TRERF1: variants seen among roughly 807,000 people sequenced by gnomAD.
TRERF1 encodes the protein transcriptional regulating factor 1.
A neutral mutation model predicts 122.9 loss-of-function variants in TRERF1; 27 were observed. The observed-to-expected ratio is 0.22, with a 90% CI of 0.16 to 0.30. The LOEUF is 0.30. Ranked by LOEUF, TRERF1 falls within the 10% of genes least tolerant of loss-of-function variation. The probability of loss-of-function intolerance (pLI) is 1.00; values close to 1 mark genes in which losing one functional copy is unlikely to be tolerated. For synonymous variants in TRERF1, 636 were observed against 641.7 expected, an observed-to-expected ratio of 0.99 and a Z score of 0.13; for missense variants, 1,248 against 1,560.3, an observed-to-expected ratio of 0.80 and a Z score of 3.37.
rs1561853335 is a variant in TRERF1, at chr6:42,262,432, G to GGGAGGGAGGGAGGGAGA, written c.1884+887_1884+888insTCTCCCTCCCTCCCTCC. Among the ~76,000 whole-genome samples the GGGAGGGAGGGAGGGAGA allele has an allele frequency of 5.3e-4, 25 of 47,154 alleles. 2 individuals carry two copies. Among genetic ancestry groups the GGGAGGGAGGGAGGGAGA allele is most frequent in the African/African-American group, 2.1e-3 (23 of 10,774 alleles). 30.9% of individuals were successfully genotyped at this position (47,154 alleles called of 152,430 possible). A position where few individuals can be genotyped will look rare whatever the true frequency, so the allele number is the denominator to read the frequency against. The stretch of plus-strand genomic sequence containing the variant: ...CCACACAGGTCACAAATTCCCTAGG[G>GGGAGGGAGGGAGGGAGA]GCAGAGAGAGAGAGAGAGAGAGAGA... On this transcript the variant is annotated intron_variant, in intron 8 of 17. Transcript: ENST00000372922.
chr6:42,435,635 TA>T (rs1158849152), intron 2 of TRERF1, among the ~76,000 whole-genome samples: 15 of 152,074 alleles, frequency 9.9e-5, no homozygotes, highest in Admixed American at 9.8e-4. Context: ...TTATAATAGT[TA>T]AAAAATGATA....
chr6:42,232,555 G>T lies in TRERF1; in HGVS notation c.3278+126C>A. ...TACATACCCATCCCAAAGATGACAC[G>T]AAGAAGAGTTTTGAGGTCTAAGTTC... On this transcript the variant is annotated intron_variant, in intron 17 of 17. Transcript: ENST00000372922. This position sits in a 1 kb window ranked among gnomAD's most constrained non-coding sequence, Gnocchi z 4.5. 8.0e-7 allele frequency: 1 copy of T among 1,252,802 alleles called. No homozygotes were observed. The highest frequency in any genetic ancestry group is 1.7e-5 in the South Asian group (1 of 60,242). The allele number at this position is 1,252,802 out of a possible 1,614,324, so 77.6% of individuals were successfully genotyped here.
At chr6:42,369,695 A>G (rs1462754541) in intron 2 of TRERF1, among the ~76,000 whole-genome samples, 2 of 152,156 alleles carry the variant, frequency 1.3e-5, no homozygotes, top group Admixed American at 6.5e-5. Context: ...ACCAGTTATC[A>G]TACTATTACC....
chr6:42,288,298 G>A (rs920386920), intron 4 of TRERF1, among the ~76,000 whole-genome samples: 11 of 152,150 alleles, frequency 7.2e-5, no homozygotes, highest in African/African-American at 1.2e-4. Flanking sequence ...GCCGGGCACC[G>A]TGGCTTACTC....
chr6:42,276,762 C>G lies in TRERF1; in HGVS notation c.-258-6914G>C, dbSNP rs2149994396. Among the ~76,000 whole-genome samples, 1 of 152,324 alleles carries G rather than the reference C, an allele frequency of 6.6e-6. No homozygotes were observed. Among genetic ancestry groups the G allele is most frequent in the South Asian group, 2.1e-4 (1 of 4,826 alleles). On this transcript the variant is annotated intron_variant, in intron 4 of 17. Transcript: ENST00000372922. The surrounding 1 kb of genome is among the most constrained non-coding windows in gnomAD (Gnocchi z 4.3). The stretch of plus-strand genomic sequence containing the variant: ...TGCTCTTACTCCTTCACAGCCCTGG[C>G]TTTCCTGCTGACTCTGGGCTGTGGG...
intron 2 of TRERF1, among the ~76,000 whole-genome samples, chr6:42,436,814 A>AAT (rs56057543): frequency 0.014 from 916 of 66,660 alleles, 14 homozygotes; most frequent in South Asian, 0.037. Context: ...AAAAAAAAAA[A>AAT]ATATATATAT....
chr6:42,418,307 T>C (rs547100159), intron 2 of TRERF1, among the ~76,000 whole-genome samples: 85 of 146,080 alleles, frequency 5.8e-4, no homozygotes, highest in Non-Finnish European at 1.1e-3. Context: ...TTCGCTCTTG[T>C]AGCCCCAGCT....
At chr6:42,421,991 A>C (rs1782835335) in intron 2 of TRERF1, among the ~76,000 whole-genome samples, 2 of 150,512 alleles carry the variant, frequency 1.3e-5, no homozygotes, top group Non-Finnish European at 3.0e-5. Context: ...AACATGGTGA[A>C]ACCCTCTCTC....
At chr6:42,412,787 T>TA (rs1781298223) in intron 2 of TRERF1, among the ~76,000 whole-genome samples, 1 of 151,486 alleles carries the variant, frequency 6.6e-6, no homozygotes, top group East Asian at 1.9e-4. Flanking sequence ...ATTAATTAAT[T>TA]TAAAAAAATT....
In TRERF1 at chr6:42,408,371, A is replaced by C. The variant is rs1432400686; in HGVS notation, c.-454+42806T>G. Among the ~76,000 whole-genome samples the C allele has an allele frequency of 4.4e-3, 129 of 29,222 alleles. 6 individuals are homozygous for C. The highest frequency in any genetic ancestry group is 9.0e-3 in the African/African-American group (113 of 12,506). 19.2% of individuals were successfully genotyped at this position (29,222 alleles called of 152,430 possible). A position where few individuals can be genotyped will look rare whatever the true frequency, so the allele number is the denominator to read the frequency against. ...TGTGTGTGTGTATATATATATATAT[A>C]TCTTTTTTTTTTTTTTTTTTTGAGA... On this transcript the variant is annotated intron_variant, in intron 2 of 17. Coordinates refer to ENST00000372922, the Ensembl canonical transcript of TRERF1.
intron 2 of TRERF1, among the ~76,000 whole-genome samples, chr6:42,435,131 C>CA (rs58270665): frequency 0.1 from 14,902 of 143,236 alleles, 925 homozygotes; most frequent in African/African-American, 0.18. Context: ...AACTCTGTCT[C>CA]AAAAAAAAAA....
intron 2 of TRERF1, among the ~76,000 whole-genome samples, chr6:42,375,662 A>C (rs1774708839): frequency 1.3e-5 from 2 of 152,206 alleles, no homozygotes; most frequent in African/African-American, 4.8e-5. Context: ...CTACACACTG[A>C]CTGACTAAAG....
At chr6:42,241,604 G>A (rs1183515798) in intron 15 of TRERF1, among the ~76,000 whole-genome samples, 1 of 152,004 alleles carries the variant, frequency 6.6e-6, no homozygotes, top group East Asian at 1.9e-4. Context: ...TGGGATTACA[G>A]GTGTGTGCTA....
Position 42,238,865 on chromosome 6 carries a change from ACACAC to A in TRERF1, c.2860-2459_2860-2455del, listed in dbSNP as rs764989932. Among the ~76,000 whole-genome samples the A allele has an allele frequency of 3.7e-3, 550 of 150,542 alleles. 3 individuals are homozygous for A. The highest frequency in any genetic ancestry group is 0.012 in the African/African-American group (486 of 40,536). On this transcript the variant is annotated intron_variant, in intron 15 of 17. Coordinates refer to ENST00000372922, the Ensembl canonical transcript of TRERF1. ...CACACACACACACACACACACACAC[ACACAC>A]AATTTCTAGTTCTCATAACACTGTA... is the stretch of plus-strand genomic sequence containing the variant.
At chr6:42,434,787 C>T (rs1785042236) in intron 2 of TRERF1, among the ~76,000 whole-genome samples, 1 of 151,346 alleles carries the variant, frequency 6.6e-6, no homozygotes, top group Non-Finnish European at 1.5e-5. Context: ...AAATGAAGAA[C>T]AGCAAAAAGA....
intron 7 of TRERF1, among the ~76,000 whole-genome samples, 189 bp downstream of exon 7, chr6:42,264,515 C>A (rs1778796730): frequency 6.6e-6 from 1 of 152,248 alleles, no homozygotes. Flanking sequence ...CCTTGCTCAT[C>A]ATAAAGCTGG....
At chr6:42,331,554 T>C (rs1184625193) in intron 3 of TRERF1, among the ~76,000 whole-genome samples, 1 of 152,136 alleles carries the variant, frequency 6.6e-6, no homozygotes, top group Non-Finnish European at 1.5e-5. Flanking sequence ...GCCCACCGGA[T>C]AACCACTAAG....
chr6:42,446,071 C>T (rs764310355), intron 2 of TRERF1, among the ~76,000 whole-genome samples: 5 of 152,204 alleles, frequency 3.3e-5, no homozygotes, highest in Non-Finnish European at 7.3e-5. Flanking sequence ...TCCGCCACCA[C>T]GCAGCCTAAT....
intron 2 of TRERF1, among the ~76,000 whole-genome samples, chr6:42,369,691 TATC>T (rs1202000914): frequency 6.6e-6 from 1 of 152,228 alleles, no homozygotes; most frequent in African/African-American, 2.4e-5. Context: ...ATCTACCAGT[TATC>T]ATACTATTAC....
Sources: gnomAD v4.1 joint callset for allele counts (sites outside exome capture counted in the v4.1 genomes callset) on GRCh38, gnomAD v4.1.1 for gene constraint, Gnocchi (gnomAD v3.1) non-coding constraint, MANE v1.5 for transcripts, NCBI Gene and HGNC (gene_info 2026-07-23, HGNC 2026-07-21) for gene names.